The following CHSY3 variants were observed in gnomAD, a reference collection of about 807,000 sequenced individuals.
The protein encoded by CHSY3 is N-acetylgalactosaminyl-proteoglycan 3-beta-glucuronosyltransferase 3.
In CHSY3, 35 loss-of-function variants were observed where a neutral mutation model predicts 67.2. The observed-to-expected ratio is 0.52, with a 90% CI of 0.40 to 0.69. The LOEUF is 0.69. CHSY3 is among the 30% of genes least tolerant of loss of function. The pLI is 0.00. For synonymous variants in CHSY3, 474 were observed against 434.7 expected (o/e 1.09, Z -1.12); for missense variants, 1,069 against 1,138.5 (o/e 0.94, Z 0.88).
intron 2 of CHSY3, among the ~76,000 whole-genome samples, chr5:130,134,095 G>A (rs1448257990): frequency 1.3e-5 from 2 of 152,114 alleles, no homozygotes; most frequent in Admixed American, 6.6e-5. Context: ...TTACTTAAGT[G>A]GACAATGAGG....
intron 2 of CHSY3, among the ~76,000 whole-genome samples, chr5:130,142,635 C>T (rs1402297750): frequency 6.6e-6 from 1 of 152,112 alleles, no homozygotes; most frequent in Non-Finnish European, 1.5e-5. Context: ...AATTCAAGAT[C>T]CTCAAAGCCT....
intron 2 of CHSY3, among the ~76,000 whole-genome samples, chr5:129,926,727 T>A (rs1295966098): frequency 6.6e-6 from 1 of 151,956 alleles, no homozygotes. Context: ...ATAACTTTTG[T>A]TATTGAGCGT....
chr5:130,129,653 A>T (rs1768416304), intron 2 of CHSY3, among the ~76,000 whole-genome samples: 1 of 152,176 alleles, frequency 6.6e-6, no homozygotes, highest in African/African-American at 2.4e-5. Context: ...AATAATTTTA[A>T]ATTTTGTTAT....
chr5:129,915,896 G>A (rs2149579317), intron 2 of CHSY3, among the ~76,000 whole-genome samples: 1 of 152,256 alleles, frequency 6.6e-6, no homozygotes, highest in East Asian at 1.9e-4. Context: ...ATCTCCCCTA[G>A]AGAACAGAAG....
At chr5:130,133,030 T>C in intron 2 of CHSY3, among the ~76,000 whole-genome samples, 1 of 152,306 alleles carries the variant, frequency 6.6e-6, no homozygotes, top group South Asian at 2.1e-4. Flanking sequence ...ATTATACTAT[T>C]ATACTATAGG....
chr5:129,903,989 G>T (rs1760125436), upstream of CHSY3, among the ~76,000 whole-genome samples: 2 of 152,176 alleles, frequency 1.3e-5, no homozygotes. Flanking sequence ...GGACGTACCC[G>T]GCTGTGGGCC....
chr5:130,102,849 A>G (rs569397329), intron 2 of CHSY3, among the ~76,000 whole-genome samples: 1 of 152,118 alleles, frequency 6.6e-6, no homozygotes, highest in Non-Finnish European at 1.5e-5. Flanking sequence ...TTATTTATAC[A>G]CCTTCTCTCC....
chr5:129,970,839 C>T (rs1762621461), intron 2 of CHSY3, among the ~76,000 whole-genome samples: 1 of 151,808 alleles, frequency 6.6e-6, no homozygotes, highest in South Asian at 2.1e-4. Flanking sequence ...AATGTCCAAA[C>T]CTGATGATAT....
At chr5:130,042,969 T>C in intron 2 of CHSY3, among the ~76,000 whole-genome samples, 1 of 152,128 alleles carries the variant, frequency 6.6e-6, no homozygotes, top group East Asian at 1.9e-4. Flanking sequence ...CAAAGTTGGG[T>C]CATAGGCAGT....
At chr5:129,999,696 C>T (rs1173040944) in intron 2 of CHSY3, among the ~76,000 whole-genome samples, 3 of 152,122 alleles carry the variant, frequency 2.0e-5, no homozygotes, top group Non-Finnish European at 4.4e-5. Context: ...ACCATGCTTT[C>T]CTTCCTTTGG....
chr5:129,995,831 G>A (rs1763523214), intron 2 of CHSY3, among the ~76,000 whole-genome samples: 1 of 151,808 alleles, frequency 6.6e-6, no homozygotes, highest in African/African-American at 2.4e-5. Flanking sequence ...CTTCTTCCCT[G>A]TGTCTTCTTT....
chr5:129,957,122 G>A (rs1024605202), intron 2 of CHSY3, among the ~76,000 whole-genome samples: 8 of 151,912 alleles, frequency 5.3e-5, no homozygotes, highest in Non-Finnish European at 7.4e-5. Flanking sequence ...CCATTTGTTC[G>A]TGCCATCTCT....
chr5:130,098,247 A>G (rs980405984), intron 2 of CHSY3, among the ~76,000 whole-genome samples: 6 of 152,160 alleles, frequency 3.9e-5, no homozygotes, highest in African/African-American at 9.7e-5. Flanking sequence ...GCCAACCTTC[A>G]ATCTGTTCTC....
chr5:130,093,338 C>G (rs997512000), intron 2 of CHSY3, among the ~76,000 whole-genome samples: 3 of 152,072 alleles, frequency 2.0e-5, no homozygotes, highest in African/African-American at 7.2e-5. Flanking sequence ...TTTTGAAGCA[C>G]AAGTACTGTT....
chr5:130,038,823 C>T (rs1006514359), intron 2 of CHSY3, among the ~76,000 whole-genome samples: 1 of 151,860 alleles, frequency 6.6e-6, no homozygotes, highest in African/African-American at 2.4e-5. Flanking sequence ...TGGTTTATAA[C>T]AGAATTATAA....
intron 2 of CHSY3, among the ~76,000 whole-genome samples, chr5:129,918,535 A>C (rs1490894716): frequency 6.6e-6 from 1 of 152,204 alleles, no homozygotes; most frequent in African/African-American, 2.4e-5. Flanking sequence ...AAAGTACAGG[A>C]TACACAGGAG....
At chr5:130,083,333 G>A (rs1766503995) in intron 2 of CHSY3, among the ~76,000 whole-genome samples, 1 of 151,998 alleles carries the variant, frequency 6.6e-6, no homozygotes, top group African/African-American at 2.4e-5. Flanking sequence ...CAAGTACTGA[G>A]CTGGCAAAGC....
intron 2 of CHSY3, among the ~76,000 whole-genome samples, chr5:130,177,673 C>T (rs1444172986): frequency 6.6e-6 from 1 of 152,140 alleles, no homozygotes; most frequent in Non-Finnish European, 1.5e-5. Flanking sequence ...AGGCATCTAA[C>T]ATATCCTCTG....
At chr5:129,940,671 G>A (rs577917275) in intron 2 of CHSY3, among the ~76,000 whole-genome samples, 12 of 152,102 alleles carry the variant, frequency 7.9e-5, no homozygotes, top group African/African-American at 2.7e-4. Context: ...ATGCATGTGT[G>A]TGTGTGAGTG....
Sources: gnomAD v4.1 joint callset for allele counts (sites outside exome capture counted in the v4.1 genomes callset) on GRCh38, gnomAD v4.1.1 for gene constraint, MANE v1.5 for transcripts, NCBI Gene and HGNC (gene_info 2026-07-23, HGNC 2026-07-21) for gene names.